Variants in UBE3C observed in about 807,000 individuals in gnomAD.
UBE3C encodes the protein ubiquitin protein ligase E3C, also known as ubiquitin-protein ligase E3C.
In UBE3C, 42 loss-of-function variants were observed where a neutral mutation model predicts 129.4. The ratio of observed to expected loss-of-function variants is 0.32; its 90% CI spans 0.25 to 0.42. The LOEUF (loss-of-function observed/expected upper bound fraction) is 0.42. Ranked by LOEUF, UBE3C falls within the 10% of genes least tolerant of loss-of-function variation. UBE3C has a pLI of 1.00. For missense variants in UBE3C, 1,049 were observed against 1,319.1 expected, an observed-to-expected ratio of 0.80 and a Z score of 3.17; for synonymous variants, 510 against 492.4, an observed-to-expected ratio of 1.04 and a Z score of -0.47.
At chr7:157,164,130 G>A (rs1808149311) in intron 2 of UBE3C, among the ~76,000 whole-genome samples, 1 of 151,936 alleles carries the variant, frequency 6.6e-6, no homozygotes, top group Non-Finnish European at 1.5e-5. Flanking sequence ...CTAGAAAGCC[G>A]TATTATAAAT....
intron 10 of UBE3C, among the ~76,000 whole-genome samples, chr7:157,187,719 G>A (rs1281305490): frequency 5.9e-5 from 9 of 151,940 alleles, no homozygotes; most frequent in African/African-American, 2.2e-4. Flanking sequence ...TGGGACTACA[G>A]GCGCCCGCCA....
At chr7:157,249,926 C>T (rs1279513273) in intron 19 of UBE3C, among the ~76,000 whole-genome samples, 1 of 152,124 alleles carries the variant, frequency 6.6e-6, no homozygotes, top group African/African-American at 2.4e-5. Context: ...ACATGAAGCT[C>T]AAAGGAAATG....
intron 17 of UBE3C, among the ~76,000 whole-genome samples, chr7:157,226,280 C>T (rs776407254): frequency 9.9e-5 from 15 of 152,166 alleles, no homozygotes; most frequent in Non-Finnish European, 4.4e-5. Context: ...AATGACACTG[C>T]CGTTAGTAAA....
Position 157,268,470 on chromosome 7 carries a change from A to C in UBE3C, c.*715A>C, listed in dbSNP as rs1797137747. ...TCCACTTTGTGCCTGGAGAGCTTTCAGGGGAGGTGGAGGAGGAGGGTCTGC... is the reference window on the plus strand; with the variant it reads ...TCCACTTTGTGCCTGGAGAGCTTTCCGGGGAGGTGGAGGAGGAGGGTCTGC... On this transcript the variant is annotated 3_prime_UTR_variant, in exon 23 of 23. Coordinates refer to ENST00000348165, the MANE Select transcript of UBE3C (RefSeq NM_014671.3). 1 of 152,658 alleles carries C rather than the reference A, an allele frequency of 6.6e-6. No homozygotes were observed. Among genetic ancestry groups the C allele is most frequent in the African/African-American group, 2.4e-5 (1 of 41,446 alleles). The allele number at this position is 152,658 out of a possible 1,614,324, so 9.5% of individuals were successfully genotyped here. A position where few individuals can be genotyped will look rare whatever the true frequency, so the allele number is the denominator to read the frequency against.
chr7:157,152,574 G>T (rs908116329), intron 1 of UBE3C, among the ~76,000 whole-genome samples: 1 of 152,112 alleles, frequency 6.6e-6, no homozygotes, highest in African/African-American at 2.4e-5. Flanking sequence ...GGCACTTTTC[G>T]TTTATGAGCT....
At chr7:157,159,566 C>T (rs1217986832) in intron 1 of UBE3C, among the ~76,000 whole-genome samples, 3 of 152,178 alleles carry the variant, frequency 2.0e-5, no homozygotes, top group South Asian at 2.1e-4. Context: ...TATCAGAGAA[C>T]GTGATTAAAT....
chr7:157,182,065 G>A, intron 7 of UBE3C, 43 bp from the exon 8 acceptor site: 1 of 1,501,274 alleles, frequency 6.7e-7, no homozygotes, highest in Non-Finnish European at 8.9e-7. Flanking sequence ...TGGATGGACA[G>A]TATAATTTGA....
chr7:157,139,411 C>CTCGGGGT (rs1586635393), intron 1 of UBE3C, 73 bp downstream of exon 1: 7 of 733,138 alleles, frequency 9.5e-6, no homozygotes, highest in African/African-American at 5.0e-5. Flanking sequence ...GGACTCGGGG[C>CTCGGGGT]TGGACTCGGG....
At chr7:157,210,159 AG>A (rs1206494756) in intron 13 of UBE3C, among the ~76,000 whole-genome samples, 2 of 152,192 alleles carry the variant, frequency 1.3e-5, no homozygotes, top group Non-Finnish European at 2.9e-5. Flanking sequence ...CCTGGGCGGT[AG>A]GGTGACTCTC....
chr7:157,199,628 G>A (rs1418064046), intron 10 of UBE3C, among the ~76,000 whole-genome samples: 6 of 151,922 alleles, frequency 3.9e-5, no homozygotes, highest in African/African-American at 4.8e-5. Context: ...CTGCCACCAC[G>A]CCCAGCTAAT....
intron 1 of UBE3C, among the ~76,000 whole-genome samples, chr7:157,155,763 G>A (rs1421156015): frequency 6.6e-6 from 1 of 152,174 alleles, no homozygotes; most frequent in Non-Finnish European, 1.5e-5. Flanking sequence ...CATATTTAAT[G>A]TTCAGAGAAG....
At position 157,188,343 on chromosome 7, in the gene UBE3C, T is replaced by A. The variant is rs1808865910; in HGVS notation, c.1331+1322T>A. Among the ~76,000 whole-genome samples, 5 of 152,252 alleles carry A rather than the reference T, an allele frequency of 3.3e-5. No homozygotes were observed. The South Asian group carries it at 1.0e-3, about 31-fold the overall frequency. ...AGGAACCCATCGGTTGAAATGGCCT[T>A]GTAAACACTAATGTGGCCAACTAAT... On this transcript the variant is annotated intron_variant, in intron 10 of 22. Transcript: ENST00000348165.
At chr7:157,243,867 A>G (rs1212048354) in intron 18 of UBE3C, among the ~76,000 whole-genome samples, 2 of 152,214 alleles carry the variant, frequency 1.3e-5, no homozygotes, top group African/African-American at 2.4e-5. Flanking sequence ...TCCCTGACAT[A>G]TAGTTGGCAC....
intron 13 of UBE3C, among the ~76,000 whole-genome samples, chr7:157,210,249 T>C (rs753175101): frequency 2.0e-5 from 3 of 152,202 alleles, no homozygotes; most frequent in Non-Finnish European, 4.4e-5. Flanking sequence ...AATCAAGTTG[T>C]TGTAAGACCT....
chr7:157,262,068 C>G (rs1267391280), intron 22 of UBE3C, among the ~76,000 whole-genome samples: 2 of 152,162 alleles, frequency 1.3e-5, no homozygotes, highest in African/African-American at 4.8e-5. Context: ...AGTGACTTTG[C>G]CAGCAGTCAC....
intron 22 of UBE3C, among the ~76,000 whole-genome samples, chr7:157,265,339 A>G (rs1218567426): frequency 6.6e-6 from 1 of 152,240 alleles, no homozygotes; most frequent in Non-Finnish European, 1.5e-5. Context: ...GAACACATAA[A>G]TCACGTATCT....
chr7:157,232,288 G>C (rs555093037), intron 18 of UBE3C, among the ~76,000 whole-genome samples: 5 of 152,130 alleles, frequency 3.3e-5, no homozygotes, highest in African/African-American at 1.2e-4. Context: ...TTGTCTTTTG[G>C]GGGGACACAG....
At chr7:157,246,989 C>T (rs1303828596) in intron 18 of UBE3C, among the ~76,000 whole-genome samples, 1 of 152,208 alleles carries the variant, frequency 6.6e-6, no homozygotes, top group African/African-American at 2.4e-5. Flanking sequence ...CTCCCGGGTT[C>T]AAGCGATTCT....
chr7:157,208,033 A>G (rs1470218803), intron 13 of UBE3C, 98 bp downstream of exon 13: 3 of 343,090 alleles, frequency 8.7e-6, no homozygotes, highest in South Asian at 9.5e-5. Context: ...GGTTTGTTTC[A>G]GACATGTTTT....
Sources: allele counts gnomAD v4.1 joint callset (sites outside exome capture counted in the v4.1 genomes callset), GRCh38; gene constraint gnomAD v4.1.1; transcripts MANE v1.5; gene names NCBI Gene and HGNC (gene_info 2026-07-23, HGNC 2026-07-21).